CFDP1: variants seen among roughly 807,000 people sequenced by gnomAD.
CFDP1 encodes chromatin remodeling protein CFDP1.
A neutral mutation model predicts 40.1 loss-of-function variants in CFDP1; 31 were observed. That is an observed-to-expected ratio of 0.77 (90% CI 0.58 to 1.04). The LOEUF is 1.04. Among genes scored for constraint, CFDP1 ranks in the 50% least tolerant of loss-of-function variants. The pLI is 0.00. For synonymous variants in CFDP1, 167 were observed against 120.0 expected (o/e 1.39, Z -2.56); for missense variants, 423 against 343.4 (o/e 1.23, Z -1.83).
At position 75,411,959 on chromosome 16, in the gene CFDP1, A is replaced by G. The variant is rs1284394251; in HGVS notation, c.403-7T>C. On this transcript the variant is annotated splice_polypyrimidine_tract_variant and splice_region_variant and intron_variant, in intron 3 of 6. Coordinates refer to ENST00000283882, the MANE Select transcript of CFDP1 (RefSeq NM_006324.3). ...CTTCAGTCTCCTCTCCTTTCTATAA[A>G]AAAAACAAGAAATGTAATGTTTCAC... is the stretch of plus-strand genomic sequence containing the variant. 3 of 1,582,962 alleles carry G rather than the reference A, an allele frequency of 1.9e-6. No individual in the cohort carries two copies. The highest frequency in any genetic ancestry group is 2.6e-6 in the Non-Finnish European group (3 of 1,172,608).
chr16:75,306,156 A>T (rs1272561543), intron 5 of CFDP1, among the ~76,000 whole-genome samples: 1 of 152,242 alleles, frequency 6.6e-6, no homozygotes, highest in East Asian at 1.9e-4. Flanking sequence ...AACATTTAAA[A>T]ACTATGAGCT....
chr16:75,380,642 T>C (rs983111775), intron 5 of CFDP1, among the ~76,000 whole-genome samples: 4 of 151,702 alleles, frequency 2.6e-5, no homozygotes, highest in Non-Finnish European at 4.4e-5. Flanking sequence ...GGAAGAAAGG[T>C]CTCTTTTAAG....
At chr16:75,418,835 A>G (rs1345575855) in intron 1 of CFDP1, among the ~76,000 whole-genome samples, 2 of 152,142 alleles carry the variant, frequency 1.3e-5, no homozygotes, top group South Asian at 2.1e-4. Flanking sequence ...CTATTTAAAA[A>G]TAACAGATCA....
At chr16:75,371,478 A>C (rs996173957) in intron 5 of CFDP1, among the ~76,000 whole-genome samples, 3 of 152,220 alleles carry the variant, frequency 2.0e-5, no homozygotes, top group African/African-American at 7.2e-5. Flanking sequence ...AAAACTGAAC[A>C]AAGTTCTTAT....
At position 75,366,424 on chromosome 16, in the gene CFDP1, A is replaced by C. The variant is rs2078714250; in HGVS notation, c.650+28666T>G. On this transcript the variant is annotated intron_variant, in intron 5 of 6. Transcript: ENST00000283882. ...GGGAGGCTGAGGCAGGCAGCTCAGT[A>C]TCAGCCTGGCCAACATGGTGAAACC... Among the ~76,000 whole-genome samples, 6 of 152,092 alleles carry C rather than the reference A, an allele frequency of 3.9e-5. 1 individual carries two copies. In the South Asian group the frequency reaches 1.2e-3, roughly 32 times the overall value.
At chr16:75,383,404 C>T (rs370703433) in intron 5 of CFDP1, among the ~76,000 whole-genome samples, 15 of 152,256 alleles carry the variant, frequency 9.9e-5, no homozygotes, top group African/African-American at 3.6e-4. Flanking sequence ...ACATAAAAAT[C>T]GCTTAGTGCT....
chr16:75,345,899 G>A (rs148985268), intron 5 of CFDP1, among the ~76,000 whole-genome samples: 3 of 152,348 alleles, frequency 2.0e-5, no homozygotes, highest in East Asian at 3.9e-4. Context: ...ACCTGGTCAT[G>A]TCATCGGTGA....
At chr16:75,325,262 C>T (rs1334704655) in intron 5 of CFDP1, among the ~76,000 whole-genome samples, 1 of 152,206 alleles carries the variant, frequency 6.6e-6, no homozygotes, top group Non-Finnish European at 1.5e-5. Flanking sequence ...ACCTCCCAGA[C>T]TTCCTCTCCT....
intron 5 of CFDP1, among the ~76,000 whole-genome samples, chr16:75,393,148 G>T (rs2078966547): frequency 6.6e-6 from 1 of 152,148 alleles, no homozygotes; most frequent in African/African-American, 2.4e-5. Context: ...GGGCACTGGA[G>T]GCTAAACATC....
In CFDP1 at chr16:75,386,640, A is replaced by G. The variant is rs187292260; in HGVS notation, c.650+8450T>C. 6.5e-3 allele frequency among the ~76,000 whole-genome samples: 986 copies of G among 152,214 alleles called. 8 individuals carry two copies. The highest frequency in any genetic ancestry group is 0.017 in the Middle Eastern group (5 of 294). On this transcript the variant is annotated intron_variant, in intron 5 of 6. Coordinates refer to ENST00000283882, the MANE Select transcript of CFDP1 (RefSeq NM_006324.3). ...CTTGGGAGGCTGAGGCAGGAGCATC[A>G]CTTGAACCTGGGAGGCGAAGGCTGC... is the stretch of plus-strand genomic sequence containing the variant.
chr16:75,390,931 G>A (rs918203147), intron 5 of CFDP1, among the ~76,000 whole-genome samples: 2 of 152,204 alleles, frequency 1.3e-5, no homozygotes, highest in African/African-American at 4.8e-5. Context: ...ACCACTTTGT[G>A]AGAAAGTATC....
intron 6 of CFDP1, among the ~76,000 whole-genome samples, chr16:75,297,705 C>T (rs1466457135): frequency 2.0e-5 from 3 of 152,206 alleles, no homozygotes; most frequent in Non-Finnish European, 4.4e-5. Context: ...AGGCTCTTCA[C>T]TTTCTTTAAT....
At chr16:75,382,243 C>G (rs953307066) in intron 5 of CFDP1, among the ~76,000 whole-genome samples, 2 of 152,024 alleles carry the variant, frequency 1.3e-5, no homozygotes, top group Non-Finnish European at 2.9e-5. Flanking sequence ...TTTTCCACTG[C>G]CAACTAATTT....
intron 1 of CFDP1, 31 bp downstream of exon 1, chr16:75,433,258 T>A: frequency 1.3e-6 from 2 of 1,573,970 alleles, no homozygotes; most frequent in Non-Finnish European, 1.7e-6. Context: ...GGCGGGGCAA[T>A]TCGCTTCTCG....
At chr16:75,299,083 T>C (rs11149814) in intron 6 of CFDP1, among the ~76,000 whole-genome samples, 125,476 of 151,952 alleles carry the variant, frequency 0.83, 52,021 homozygotes, top group Middle Eastern at 0.9. Context: ...CACCAAGAAA[T>C]CTGTGTAATG....
At chr16:75,423,643 C>T (rs559417876) in intron 1 of CFDP1, among the ~76,000 whole-genome samples, 25 of 152,092 alleles carry the variant, frequency 1.6e-4, no homozygotes, top group Admixed American at 1.4e-3. Flanking sequence ...GCCTCCCGAG[C>T]AGCTGGGACT....
At chr16:75,327,208 A>C (rs2078408651) in intron 5 of CFDP1, among the ~76,000 whole-genome samples, 2 of 152,216 alleles carry the variant, frequency 1.3e-5, no homozygotes. Flanking sequence ...CAGAGCTTGC[A>C]GTGAGCCAAG....
chr16:75,304,380 T>C (rs568990060), intron 6 of CFDP1, among the ~76,000 whole-genome samples: 1 of 152,342 alleles, frequency 6.6e-6, no homozygotes, highest in South Asian at 2.1e-4. Flanking sequence ...CATTTCTTTC[T>C]TGATTTTTTG....
At chr16:75,356,956 C>T (rs867647602) in intron 5 of CFDP1, among the ~76,000 whole-genome samples, 12 of 148,460 alleles carry the variant, frequency 8.1e-5, no homozygotes, top group East Asian at 2.0e-4. Flanking sequence ...ATCTGTTGCC[C>T]AGGCTGTAAT....
Sources: allele counts gnomAD v4.1 joint callset (sites outside exome capture counted in the v4.1 genomes callset), GRCh38; gene constraint gnomAD v4.1.1; transcripts MANE v1.5; gene names NCBI Gene and HGNC (gene_info 2026-07-23, HGNC 2026-07-21).